Variants in MBTPS1 observed in about 807,000 individuals in gnomAD.
MBTPS1 encodes membrane bound transcription factor peptidase, site 1.
MBTPS1 carries 94 observed loss-of-function variants against 127.8 expected under a neutral mutation model. That is an observed-to-expected ratio of 0.74 (90% CI 0.62 to 0.87). The LOEUF (loss-of-function observed/expected upper bound fraction) is 0.87, where lower values mean the gene tolerates loss of function less well. MBTPS1 is among the 40% of genes least tolerant of loss of function. MBTPS1 has a pLI of 0.00. For missense variants in MBTPS1, 1,636 were observed against 1,353.2 expected, an observed-to-expected ratio of 1.21 and a Z score of -3.28; for synonymous variants, 632 against 509.4, an observed-to-expected ratio of 1.24 and a Z score of -3.24.
At chr16:84,078,986 T>C (rs2085899925) in intron 11 of MBTPS1, among the ~76,000 whole-genome samples, 1 of 152,218 alleles carries the variant, frequency 6.6e-6, no homozygotes, top group African/African-American at 2.4e-5. Context: ...ATCCCCCATG[T>C]TGGAGGTGGG....
intron 21 of MBTPS1, chr16:84,056,989 A>G (rs1192821369): frequency 6.6e-6 from 1 of 152,056 alleles, no homozygotes; most frequent in African/African-American, 2.4e-5. Context: ...AAATTTCTCT[A>G]TTTTTCTGTT....
Position 84,054,622 on chromosome 16 carries a change from G to A in MBTPS1, c.2986C>T (p.Gln996Ter). 1 of 1,609,602 alleles carries A rather than the reference G, an allele frequency of 6.2e-7. No homozygotes were observed. The highest frequency in any genetic ancestry group is 8.5e-7 in the Non-Finnish European group (1 of 1,177,498). ...ACAGGAATGGTCTGGCCCACCTCCT[G>A]GTTGTAGCGGCCAGGCATGATCCCT... Reference protein sequence around the residue: ...PGGIMPGRYNQEVGQTIPVFA... With the variant: ...PGGIMPGRYN The change falls in exon 23 of 23, where the codon CAG becomes TAG. Residue 996 changes from glutamine to a stop codon, truncating the protein, a stop_gained. Transcript: ENST00000343411. LOFTEE classifies it high-confidence loss of function.
At chr16:84,080,868 C>T (rs1291714058) in intron 11 of MBTPS1, among the ~76,000 whole-genome samples, 1 of 152,198 alleles carries the variant, frequency 6.6e-6, no homozygotes, top group Non-Finnish European at 1.5e-5. Flanking sequence ...ACATGTAATC[C>T]TAGCTTGACG....
intron 9 of MBTPS1, chr16:84,086,651 G>A (rs2086032150): frequency 2.0e-5 from 3 of 152,282 alleles, no homozygotes; most frequent in Non-Finnish European, 4.4e-5. Flanking sequence ...ATCTTTCCAG[G>A]GACTTATCTG....
At position 84,116,874 on chromosome 16, in the gene MBTPS1, G is replaced by T. The variant is rs894582970; in HGVS notation, c.-464C>A. 6.6e-6 allele frequency: 1 copy of T among 152,278 alleles called. No individual in the cohort carries two copies. Among genetic ancestry groups the T allele is most frequent in the African/African-American group, 2.4e-5 (1 of 41,450 alleles). 9.4% of individuals were successfully genotyped at this position (152,278 alleles called of 1,614,324 possible). A position where few individuals can be genotyped will look rare whatever the true frequency, so the allele number is the denominator to read the frequency against. ...ACCGGGCCAGCGAGGCCCACAGCTGGGAGCCTCAGCTCCGCCGACCCAGCG... is the reference window on the plus strand; with the variant it reads ...ACCGGGCCAGCGAGGCCCACAGCTGTGAGCCTCAGCTCCGCCGACCCAGCG... On this transcript the variant is annotated 5_prime_UTR_variant, in exon 1 of 23. Coordinates refer to ENST00000343411, the MANE Select transcript of MBTPS1 (RefSeq NM_003791.4).
intron 21 of MBTPS1, chr16:84,057,448 T>G (rs1248092553): frequency 6.6e-6 from 1 of 152,242 alleles, no homozygotes; most frequent in Non-Finnish European, 1.5e-5. Context: ...CATTACCATG[T>G]GGGTGCTTTA....
In MBTPS1 at chr16:84,085,057, T is replaced by C. The variant is rs1413509505; in HGVS notation, c.1212A>G (p.Lys404=). The part of the protein sequence containing the change: ...YGAGVRGSGV[K]GGCRALSGTS... Reference sequence around the variant, plus strand: ...TCCCTGAGAGGGCCCGGCACCCCCCTTTCACGCCAGAACCCCGCACGCCAG... The same window carrying C: ...TCCCTGAGAGGGCCCGGCACCCCCCCTTCACGCCAGAACCCCGCACGCCAG... The change falls in exon 10 of 23, where the codon AAA becomes AAG. Residue 404 remains lysine (K), a synonymous_variant. Transcript: ENST00000343411. The C allele has an allele frequency of 4.3e-6, 7 of 1,613,950 alleles. No individual in the cohort carries two copies. Among genetic ancestry groups the C allele is most frequent in the Non-Finnish European group, 5.9e-6 (7 of 1,180,010 alleles).
intron 11 of MBTPS1, among the ~76,000 whole-genome samples, chr16:84,078,521 C>T (rs572164353): frequency 3.9e-5 from 6 of 152,202 alleles, no homozygotes; most frequent in African/African-American, 9.6e-5. Context: ...AGCTACCAGA[C>T]GCTCTCAATG....
intron 6 of MBTPS1, 127 bp from the exon 7 acceptor site, chr16:84,091,975 G>C: frequency 1.6e-6 from 1 of 630,650 alleles, no homozygotes; most frequent in Non-Finnish European, 2.9e-6. Context: ...CTTAAAACCA[G>C]AAATGAATCC....
rs777004731 is a variant in MBTPS1 at position 84,054,403 on chromosome 16, G to A, written c.*46C>T. 20 of 1,515,056 alleles carry A rather than the reference G, an allele frequency of 1.3e-5. No homozygotes were observed. Among genetic ancestry groups the A allele is most frequent in the Middle Eastern group, 1.8e-4 (1 of 5,684 alleles). 93.9% of individuals were successfully genotyped at this position (1,515,056 alleles called of 1,614,324 possible). A position where few individuals can be genotyped will look rare whatever the true frequency, so the allele number is the denominator to read the frequency against. On this transcript the variant is annotated 3_prime_UTR_variant, in exon 23 of 23. Coordinates refer to ENST00000343411, the MANE Select transcript of MBTPS1 (RefSeq NM_003791.4). ...ACAGCTCGGCTCACCCACCAGCGCC[G>A]TCCGTGAAGGCTCTCTCTGGCCCTC...
intron 8 of MBTPS1, among the ~76,000 whole-genome samples, chr16:84,089,799 A>G (rs1035350195): frequency 1.2e-4 from 19 of 152,216 alleles, no homozygotes; most frequent in East Asian, 1.2e-3. Context: ...ACAGGCTAGG[A>G]AACACTGACA....
Position 84,085,000 on chromosome 16 carries a change from A to G in MBTPS1, c.1269T>C (p.Ala423=). ...GCACTCACCTCACTAACAAGGTGACAGCACCTGCAACCACTGGAGAAGCAA... is the reference window on the plus strand; with the variant it reads ...GCACTCACCTCACTAACAAGGTGACGGCACCTGCAACCACTGGAGAAGCAA... ...TSVASPVVAG[A]VTLLVSTVQK... Residue 423 remains alanine (A), a synonymous_variant, in exon 10 of 23, where the codon GCT becomes GCC. Transcript: ENST00000343411. The G allele has an allele frequency of 6.2e-7, 1 of 1,614,142 alleles. No individual in the cohort carries two copies. The highest frequency in any genetic ancestry group is 8.5e-7 in the Non-Finnish European group (1 of 1,180,006).
At chr16:84,097,837 C>CGTGTGTATGTGTGTGTGT (rs377529384) in intron 3 of MBTPS1, among the ~76,000 whole-genome samples, 20 of 143,026 alleles carry the variant, frequency 1.4e-4, no homozygotes, top group African/African-American at 5.1e-4. Context: ...AACTTCTCTT[C>CGTGTGTATGTGTGTGTGT]GTGTGTGTGT....
intron 3 of MBTPS1, among the ~76,000 whole-genome samples, chr16:84,098,652 A>G (rs1397378573): frequency 2.6e-5 from 4 of 152,046 alleles, no homozygotes; most frequent in African/African-American, 9.7e-5. Flanking sequence ...TAAAACACAC[A>G]CTGAGAGAAG....
Position 84,069,913 on chromosome 16 carries a change from G to C in MBTPS1, c.1908C>G (p.Gly636=). 1 of 1,614,152 alleles carries C rather than the reference G, an allele frequency of 6.2e-7. No homozygotes were observed. The highest frequency in any genetic ancestry group is 8.5e-7 in the Non-Finnish European group (1 of 1,179,998). The part of the protein sequence containing the change: ...DQYHNLRYPP[G]YFPRDNLRMK... ...TCCTTAAATTATCCCTGGGGAAATA[G>C]CCAGGTGGATAGCGGAGGTTGTGGT... The change falls in exon 14 of 23, where the codon GGC becomes GGG. Residue 636 remains glycine (G), a synonymous_variant. Transcript: ENST00000343411.
intron 2 of MBTPS1, among the ~76,000 whole-genome samples, chr16:84,101,005 A>C (rs1046540273): frequency 4.6e-5 from 7 of 151,014 alleles, no homozygotes; most frequent in African/African-American, 1.7e-4. Flanking sequence ...AATACAAAAA[A>C]AAAAAAAAAA....
At chr16:84,068,245 CT>C (rs1180378278) in intron 15 of MBTPS1, 93 bp downstream of exon 15, 5 of 873,016 alleles carry the variant, frequency 5.7e-6, no homozygotes, top group Non-Finnish European at 9.5e-6. Flanking sequence ...CCCTTGGTAG[CT>C]ATCACTGAAA....
At position 84,093,195 on chromosome 16, in the gene MBTPS1, T is replaced by C. The variant is rs373049888; in HGVS notation, c.839A>G (p.Asn280Ser). 3.1e-6 allele frequency: 5 copies of C among 1,609,396 alleles called. No individual in the cohort carries two copies. Among genetic ancestry groups the C allele is most frequent in the Non-Finnish European group, 4.3e-6 (5 of 1,175,766 alleles). Reference sequence around the variant, plus strand: ...AGTCCTCAAAACACCTACCTGATTATTGGTAAAGACCCTGAAAATGTGAAG... The same window carrying C: ...AGTCCTCAAAACACCTACCTGATTACTGGTAAAGACCCTGAAAATGTGAAG... ...AELHIFRVFT[N>S]NQVSYTSWFL... is the part of the protein sequence containing the mutation. Residue 280 changes from asparagine (N) to serine (S), a missense_variant, in exon 6 of 23, where the codon AAT (asparagine) becomes AGT (serine). Transcript: ENST00000343411.
intron 7 of MBTPS1, 58 bp from the exon 8 acceptor site, chr16:84,091,000 A>C (rs1597336943): frequency 1.7e-5 from 1 of 59,694 alleles, no homozygotes; most frequent in Non-Finnish European, 3.6e-5. Context: ...TATAACTGTC[A>C]AAAAAAAAAA....
Sources: gnomAD v4.1 joint callset for allele counts (sites outside exome capture counted in the v4.1 genomes callset) on GRCh38, gnomAD v4.1.1 for gene constraint, MANE v1.5 for transcripts, NCBI Gene and HGNC (gene_info 2026-07-23, HGNC 2026-07-21) for gene names.